CHRNB2: variants seen among roughly 807,000 people sequenced by gnomAD.
CHRNB2 encodes cholinergic receptor nicotinic beta 2 subunit, also known as neuronal acetylcholine receptor subunit beta-2.
CHRNB2 carries 33 observed loss-of-function variants against 42.7 expected under a neutral mutation model. The ratio of observed to expected loss-of-function variants is 0.77; its 90% confidence interval spans 0.59 to 1.03. The LOEUF is 1.03. CHRNB2 is among the 50% of genes least tolerant of loss of function. The pLI is 0.00. For synonymous variants in CHRNB2, 325 were observed against 292.9 expected, an observed-to-expected ratio of 1.11 and a Z score of -1.12; for missense variants, 603 against 700.9, an observed-to-expected ratio of 0.86 and a Z score of 1.58.
Position 154,576,152 on chromosome 1 carries a change from C to T in CHRNB2, c.*220C>T, listed in dbSNP as rs200917319. 1.3e-5 allele frequency: 8 copies of T among 609,142 alleles called. No individual in the cohort carries two copies. The highest frequency in any genetic ancestry group is 2.4e-5 in the Non-Finnish European group (8 of 338,086). The allele number at this position is 609,142 out of a possible 1,614,324, so 37.7% of individuals were successfully genotyped here. A position where few individuals can be genotyped will look rare whatever the true frequency, so the allele number is the denominator to read the frequency against. ...CTGCTTTGTTTTGGCTGCTCTCCAT[C>T]TCTTGTACCAGCCCAGGCAATAGTG... On this transcript the variant is annotated 3_prime_UTR_variant, in exon 6 of 6. Transcript: ENST00000368476.
chr1:154,573,817 C>T (rs1257216730), intron 5 of CHRNB2, among the ~76,000 whole-genome samples: 1 of 152,162 alleles, frequency 6.6e-6, no homozygotes. Flanking sequence ...GGTGCGACCT[C>T]GGCTCACTGC....
At chr1:154,575,119 A>G (rs1290363535) in intron 5 of CHRNB2, among the ~76,000 whole-genome samples, 1 of 152,258 alleles carries the variant, frequency 6.6e-6, no homozygotes, top group African/African-American at 2.4e-5. Context: ...CGGCTGAGGC[A>G]GCCACTTAAC....
chr1:154,575,087 G>A (rs759971341), intron 5 of CHRNB2, among the ~76,000 whole-genome samples: 7 of 152,002 alleles, frequency 4.6e-5, no homozygotes, highest in Non-Finnish European at 7.4e-5. Context: ...GGCTCAGTGT[G>A]TGATCATAAA....
Position 154,567,971 on chromosome 1 carries a change from C to T in CHRNB2, c.-74C>T, listed in dbSNP as rs947722409. 1.5e-5 allele frequency: 21 copies of T among 1,367,230 alleles called. No individual in the cohort carries two copies. Among genetic ancestry groups the T allele is most frequent in the South Asian group, 1.4e-4 (9 of 65,774 alleles). The allele number at this position is 1,367,230 out of a possible 1,614,324, so 84.7% of individuals were successfully genotyped here. A position where few individuals can be genotyped will look rare whatever the true frequency, so the allele number is the denominator to read the frequency against. On this transcript the variant is annotated 5_prime_UTR_variant, in exon 1 of 6. Coordinates refer to ENST00000368476, the MANE Select transcript of CHRNB2 (RefSeq NM_000748.3). ...GGCGCGGCTTCAGCACCACGGACAG[C>T]GCCCCACCCGCGGCCCTCCCCCCGG...
intron 5 of CHRNB2, 97 bp downstream of exon 5, chr1:154,572,258 A>T: frequency 6.6e-7 from 1 of 1,521,386 alleles, no homozygotes. Flanking sequence ...ATGCAGAGGT[A>T]GTAGGAGTGT....
rs762892419 is a variant in CHRNB2 at position 154,570,241 on chromosome 1, C to A, written c.256-17C>A. On this transcript the variant is annotated splice_polypyrimidine_tract_variant and intron_variant, in intron 3 of 5. Transcript: ENST00000368476. ...CCAGGGCACAAGTTGGTACTGCCTC[C>A]CTCTCTCATTTCCCAGGAGTGGGAA... 4 of 1,565,358 alleles carry A rather than the reference C, an allele frequency of 2.6e-6. No homozygotes were observed. The African/African-American group carries it at 4.1e-5, about 16-fold the overall frequency.
Position 154,567,892 on chromosome 1 carries a change from T to A in CHRNB2, c.-153T>A. 5.2e-6 allele frequency: 3 copies of A among 572,412 alleles called. No homozygotes were observed. In the South Asian group the frequency reaches 9.4e-5, roughly 18 times the overall value. The allele number at this position is 572,412 out of a possible 1,614,324, so 35.5% of individuals were successfully genotyped here. ...TGGTTTCTCCTCGCAGCCGGCTCCC[T>A]GAGGCCCAGGAACCACCGCGGCGGC... is the stretch of plus-strand genomic sequence containing the variant. On this transcript the variant is annotated 5_prime_UTR_variant, in exon 1 of 6. Transcript: ENST00000368476.
At chr1:154,575,604 G>A (rs1696256268) in intron 5 of CHRNB2, among the ~76,000 whole-genome samples, 158 bp from the exon 6 acceptor site, 1 of 152,116 alleles carries the variant, frequency 6.6e-6, no homozygotes. Flanking sequence ...GGCCACTGGA[G>A]GCTTTTACTA....
At position 154,575,898 on chromosome 1, in the gene CHRNB2, T is replaced by G; in HGVS notation, c.1475T>G (p.Leu492Arg). The G allele has an allele frequency of 6.2e-7, 1 of 1,614,160 alleles. No individual in the cohort carries two copies. The highest frequency in any genetic ancestry group is 8.5e-7 in the Non-Finnish European group (1 of 1,180,018). ...CAGAACTACACCACCACCACCTTCC[T>G]CCACTCAGACCACTCAGCCCCCAGC... ...LFQNYTTTTF[L>R]HSDHSAPSSK The change falls in exon 6 of 6, where the codon CTC (leucine) becomes CGC (arginine). Residue 492 changes from leucine to arginine, a missense_variant. Around this residue, in one of 2 missense-constraint regions of CHRNB2, gnomAD observed 270 missense variants for 248.3 expected, o/e 1.09. Transcript: ENST00000368476.
At chr1:154,572,598 C>T (rs931980559) in intron 5 of CHRNB2, among the ~76,000 whole-genome samples, 4 of 151,954 alleles carry the variant, frequency 2.6e-5, no homozygotes, top group Non-Finnish European at 2.9e-5. Context: ...GTCTTTTGTG[C>T]ACCACACAGG....
chr1:154,571,169 C>T lies in CHRNB2; in HGVS notation c.366-20C>T, dbSNP rs376991573. ...GAAGGAACGCTTAGGCCAGGGCTGA[C>T]TGTGCCCATCCTTTGGCAGTGCTGA... On this transcript the variant is annotated intron_variant, in intron 4 of 5. Transcript: ENST00000368476. The surrounding 1 kb of genome is among the most constrained non-coding windows in gnomAD (Gnocchi z 6.8). 1 of 1,614,028 alleles carries T rather than the reference C, an allele frequency of 6.2e-7. No individual in the cohort carries two copies. Among genetic ancestry groups the T allele is most frequent in the Non-Finnish European group, 8.5e-7 (1 of 1,180,048 alleles).
In CHRNB2 at chr1:154,571,264, G is replaced by A. The variant is rs780464481; in HGVS notation, c.441G>A (p.Pro147=). The A allele has an allele frequency of 4.3e-6, 7 of 1,614,144 alleles. No individual in the cohort carries two copies. The highest frequency in any genetic ancestry group is 1.1e-5 in the South Asian group (1 of 91,078). ...ATGATGGCAGCATCTTCTGGCTGCC[G>A]CCTGCCATCTACAAGAGCGCATGCA... ...VSYDGSIFWL[P]PAIYKSACKI... The change falls in exon 5 of 6, where the codon CCG becomes CCA. Residue 147 remains proline (P), a synonymous_variant. Coordinates refer to ENST00000368476, the MANE Select transcript of CHRNB2 (RefSeq NM_000748.3). This position sits in a 1 kb window ranked among gnomAD's most constrained non-coding sequence, Gnocchi z 6.8.
In CHRNB2 at chr1:154,571,118, TA is replaced by T. The variant is rs1201518713; in HGVS notation, c.366-70del. 7 of 1,612,028 alleles carry T rather than the reference TA, an allele frequency of 4.3e-6. No homozygotes were observed. Among genetic ancestry groups the T allele is most frequent in the East Asian group, 2.2e-5 (1 of 44,864 alleles). On this transcript the variant is annotated intron_variant, in intron 4 of 5. Transcript: ENST00000368476. This position sits in a 1 kb window ranked among gnomAD's most constrained non-coding sequence, Gnocchi z 6.8. ...CCCTCTGGTTTTGCTCTCCTCCCATTAGGGGCTGGGTTGATGGGTAAGGAGG... is the reference window on the plus strand; with the variant it reads ...CCCTCTGGTTTTGCTCTCCTCCCATTGGGGCTGGGTTGATGGGTAAGGAGG...
intron 5 of CHRNB2, among the ~76,000 whole-genome samples, chr1:154,573,808 G>C (rs1430063419): frequency 6.6e-6 from 1 of 152,156 alleles, no homozygotes; most frequent in Non-Finnish European, 1.5e-5. Flanking sequence ...GAGTGCAGTG[G>C]TGCGACCTCG....
chr1:154,567,844 T>C lies in CHRNB2; in HGVS notation c.-201T>C. The stretch of plus-strand genomic sequence containing the variant: ...AGCAGCCGGAAAAGCCTCCGCCTGC[T>C]CATACCAGGATAGGCAAGAAGCTGG... On this transcript the variant is annotated 5_prime_UTR_variant, in exon 1 of 6. Transcript: ENST00000368476. The C allele has an allele frequency of 2.2e-6, 1 of 464,960 alleles. No individual in the cohort carries two copies. The highest frequency in any genetic ancestry group is 3.7e-6 in the Non-Finnish European group (1 of 268,322). 28.8% of individuals were successfully genotyped at this position (464,960 alleles called of 1,614,324 possible).
In CHRNB2 at chr1:154,578,467, CAG is replaced by C. The variant is rs3841062; in HGVS notation, c.*2538_*2539del. On this transcript the variant is annotated 3_prime_UTR_variant, in exon 6 of 6. Transcript: ENST00000368476. ...TGCTGCATCTACAAAATGAAGATGACAGAGCTAGCCGAGGTCTTCAGCAAGGA... is the reference window on the plus strand; with the variant it reads ...TGCTGCATCTACAAAATGAAGATGACAGCTAGCCGAGGTCTTCAGCAAGGA... The C allele has an allele frequency of 0.27, 41,064 of 152,066 alleles. 5,524 individuals carry two copies. The highest frequency in any genetic ancestry group is 0.29 in the East Asian group (1,508 of 5,168). 9.4% of individuals were successfully genotyped at this position (152,066 alleles called of 1,614,324 possible). A position where few individuals can be genotyped will look rare whatever the true frequency, so the allele number is the denominator to read the frequency against.
rs200156045 is a variant in CHRNB2, at chr1:154,578,305, T to G, written c.*2373T>G. Reference sequence around the variant, plus strand: ...TAATATTTCCCATACATGGCTGTTGTCCAAGTTAAGTCACCAAATGGTGCT... The same window carrying G: ...TAATATTTCCCATACATGGCTGTTGGCCAAGTTAAGTCACCAAATGGTGCT... On this transcript the variant is annotated 3_prime_UTR_variant, in exon 6 of 6. Coordinates refer to ENST00000368476, the MANE Select transcript of CHRNB2 (RefSeq NM_000748.3). The G allele has an allele frequency of 6.6e-6, 1 of 152,252 alleles. No homozygotes were observed. Among genetic ancestry groups the G allele is most frequent in the Non-Finnish European group, 1.5e-5 (1 of 68,066 alleles). The allele number at this position is 152,252 out of a possible 1,614,324, so 9.4% of individuals were successfully genotyped here.
rs1696334276 is a variant in CHRNB2 at position 154,578,904 on chromosome 1, T to G, written c.*2972T>G. On this transcript the variant is annotated 3_prime_UTR_variant, in exon 6 of 6. Coordinates refer to ENST00000368476, the MANE Select transcript of CHRNB2 (RefSeq NM_000748.3). ...TGGGAGGGGAAGTGAGGAAACAGGTTGAGACTATCTCCATCAGAGATGGCA... is the reference window on the plus strand; with the variant it reads ...TGGGAGGGGAAGTGAGGAAACAGGTGGAGACTATCTCCATCAGAGATGGCA... 3 of 152,168 alleles carry G rather than the reference T, an allele frequency of 2.0e-5. No individual in the cohort carries two copies. Among genetic ancestry groups the G allele is most frequent in the Admixed American group, 1.3e-4 (2 of 15,284 alleles). 9.4% of individuals were successfully genotyped at this position (152,168 alleles called of 1,614,324 possible). A position where few individuals can be genotyped will look rare whatever the true frequency, so the allele number is the denominator to read the frequency against.
At position 154,575,999 on chromosome 1, in the gene CHRNB2, G is replaced by A; in HGVS notation, c.*67G>A. 2 of 1,598,264 alleles carry A rather than the reference G, an allele frequency of 1.3e-6. No individual in the cohort carries two copies. Among genetic ancestry groups the A allele is most frequent in the South Asian group, 2.2e-5 (2 of 90,628 alleles). On this transcript the variant is annotated 3_prime_UTR_variant, in exon 6 of 6. Coordinates refer to ENST00000368476, the MANE Select transcript of CHRNB2 (RefSeq NM_000748.3). ...TGCTGCACAGTAGTGTTGGGTGGAG[G>A]ATGGACGAGTGAGCTACCAGGAAGA...
Sources: gnomAD v4.1 joint callset for allele counts (sites outside exome capture counted in the v4.1 genomes callset) on GRCh38, gnomAD v4.1.1 for gene constraint, gnomAD v4.1.1 regional missense constraint, Gnocchi (gnomAD v3.1) non-coding constraint, MANE v1.5 for transcripts, NCBI Gene and HGNC (gene_info 2026-07-23, HGNC 2026-07-21) for gene names.